MED12L: variants seen among roughly 807,000 people sequenced by gnomAD.
MED12L encodes mediator complex subunit 12L, also known as mediator of RNA polymerase II transcription subunit 12-like protein.
In MED12L, 60 loss-of-function variants were observed where a neutral mutation model predicts 281.3. That is an observed-to-expected ratio of 0.21 (90% CI 0.17 to 0.26). MED12L has a LOEUF of 0.26. Among genes scored for constraint, MED12L ranks in the 10% least tolerant of loss-of-function variants. The pLI is 1.00. For missense variants in MED12L, 2,146 were observed against 2,680.9 expected (o/e 0.80, Z 4.41); for synonymous variants, 974 against 987.2 (o/e 0.99, Z 0.25).
At chr3:151,096,473 G>C (rs1419171884) in intron 2 of MED12L, among the ~76,000 whole-genome samples, 2 of 145,798 alleles carry the variant, frequency 1.4e-5, no homozygotes, top group Non-Finnish European at 3.0e-5. Context: ...AAGAGACAAA[G>C]AGCAGTGGCA....
At chr3:151,196,361 CTG>C (rs1724658485) in intron 16 of MED12L, among the ~76,000 whole-genome samples, 1 of 152,098 alleles carries the variant, frequency 6.6e-6, no homozygotes, top group African/African-American at 2.4e-5. Context: ...ATGCTACTGT[CTG>C]TTTTTTTTCC....
chr3:151,174,393 T>C (rs1235310596), intron 11 of MED12L, among the ~76,000 whole-genome samples: 1 of 152,234 alleles, frequency 6.6e-6, no homozygotes, highest in African/African-American at 2.4e-5. Flanking sequence ...ATTAGAAGAA[T>C]CATTTTTTGT....
chr3:151,279,405 A>G (rs1742439834), intron 16 of MED12L, among the ~76,000 whole-genome samples: 1 of 152,262 alleles, frequency 6.6e-6, no homozygotes, highest in South Asian at 2.1e-4. Flanking sequence ...TTGGAGATGG[A>G]GTAGTGACTG....
intron 16 of MED12L, chr3:151,214,176 G>C: frequency 3.1e-6 from 5 of 1,614,160 alleles, no homozygotes; most frequent in African/African-American, 1.3e-5. Flanking sequence ...GCACGTAAAA[G>C]AATATCCATC....
intron 5 of MED12L, among the ~76,000 whole-genome samples, chr3:151,154,247 A>G (rs1718958379): frequency 6.6e-6 from 1 of 152,198 alleles, no homozygotes; most frequent in Admixed American, 6.5e-5. Context: ...AGTCAGTTAA[A>G]TACACTTAAA....
rs543007586 is a variant in MED12L at position 151,337,733 on chromosome 3, T to G, written c.2251-12326T>G. 37 of 1,366,984 alleles carry G rather than the reference T, an allele frequency of 2.7e-5. No individual in the cohort carries two copies. The African/African-American group carries it at 3.6e-4, about 13-fold the overall frequency. The allele number at this position is 1,366,984 out of a possible 1,614,324, so 84.7% of individuals were successfully genotyped here. ...CATTATTATTAACTTAGTTGCTTCT[T>G]CGTCAGTTAATATTTTTACTTAGCG... is the stretch of plus-strand genomic sequence containing the variant. On this transcript the variant is annotated intron_variant, in intron 16 of 44. Coordinates refer to ENST00000687756, the MANE Select transcript of MED12L (RefSeq NM_001393769.1).
At chr3:151,152,237 C>T (rs1405764606) in intron 5 of MED12L, among the ~76,000 whole-genome samples, 1 of 151,522 alleles carries the variant, frequency 6.6e-6, no homozygotes, top group Non-Finnish European at 1.5e-5. Flanking sequence ...GCAGCTGGGA[C>T]TATAGGTGTG....
At chr3:151,426,406 C>T (rs1577626574) in intron 43 of MED12L, among the ~76,000 whole-genome samples, 1 of 152,080 alleles carries the variant, frequency 6.6e-6, no homozygotes, top group South Asian at 2.1e-4. Context: ...TGGAGGCAGC[C>T]CTCATCCCCT....
At chr3:151,131,519 A>T (rs906634417) in intron 5 of MED12L, among the ~76,000 whole-genome samples, 3 of 152,166 alleles carry the variant, frequency 2.0e-5, no homozygotes, top group African/African-American at 7.2e-5. Context: ...AGGTGAGGGG[A>T]TAGCTTGAGT....
At position 151,085,712 on chromosome 3, in the gene MED12L, G is replaced by C. The variant is rs891440870; in HGVS notation, c.-354G>C. 6.6e-6 allele frequency: 1 copy of C among 152,018 alleles called. No individual in the cohort carries two copies. The highest frequency in any genetic ancestry group is 2.4e-5 in the African/African-American group (1 of 41,440). The allele number at this position is 152,018 out of a possible 1,614,324, so 9.4% of individuals were successfully genotyped here. On this transcript the variant is annotated 5_prime_UTR_variant, in exon 1 of 45. Coordinates refer to ENST00000687756, the MANE Select transcript of MED12L (RefSeq NM_001393769.1). Reference sequence around the variant, plus strand: ...GCCGTCCGCCAACTCGGAAGCTCGCGCTCCCGGGCCGTGGGGGCGAGAACG... The same window carrying C: ...GCCGTCCGCCAACTCGGAAGCTCGCCCTCCCGGGCCGTGGGGGCGAGAACG...
In MED12L at chr3:151,222,142, T is replaced by C. The variant is rs185128544; in HGVS notation, c.2250+28476T>C. On this transcript the variant is annotated intron_variant, in intron 16 of 44. Transcript: ENST00000687756. Reference sequence around the variant, plus strand: ...CCTTTGTTTCAGCCAGTTCCTCCCATTTGGAATGACTGCATTTACCCAATG... The same window carrying C: ...CCTTTGTTTCAGCCAGTTCCTCCCACTTGGAATGACTGCATTTACCCAATG... 2.5e-3 allele frequency among the ~76,000 whole-genome samples: 377 copies of C among 152,308 alleles called. 5 individuals carry two copies. The highest frequency in any genetic ancestry group is 8.2e-3 in the African/African-American group (342 of 41,568).
chr3:151,212,236 T>G (rs1727290038), intron 16 of MED12L: 1 of 152,226 alleles, frequency 6.6e-6, no homozygotes. Context: ...TTCTAGCCAG[T>G]TAATAGCAGA....
chr3:151,288,936 ATCTGGTAT>A (rs1743904755), intron 16 of MED12L, among the ~76,000 whole-genome samples: 1 of 152,230 alleles, frequency 6.6e-6, no homozygotes, highest in Non-Finnish European at 1.5e-5. Flanking sequence ...GTCACTGCAC[ATCTGGTAT>A]TCAGTTCATG....
chr3:151,110,625 A>G (rs565783858), intron 2 of MED12L, among the ~76,000 whole-genome samples: 4 of 152,338 alleles, frequency 2.6e-5, no homozygotes, highest in Non-Finnish European at 4.4e-5. Flanking sequence ...TCCCTGACCT[A>G]AAGTTTTGTA....
intron 23 of MED12L, 33 bp downstream of exon 23, chr3:151,366,024 G>A: frequency 1.3e-6 from 2 of 1,490,812 alleles, no homozygotes. Context: ...AAATTGAACT[G>A]TGCAATTAAA....
chr3:151,193,082 T>TA (rs59344289), intron 15 of MED12L, among the ~76,000 whole-genome samples: 3 of 151,790 alleles, frequency 2.0e-5, no homozygotes, highest in African/African-American at 7.3e-5. Flanking sequence ...TATATAACTT[T>TA]AAAAAAAAAT....
intron 16 of MED12L, among the ~76,000 whole-genome samples, chr3:151,237,350 CT>C (rs57239604): frequency 6.6e-4 from 62 of 94,630 alleles, no homozygotes; most frequent in African/African-American, 2.2e-3. Flanking sequence ...TTTTTTTTTT[CT>C]TTTTTTTTTT....
intron 5 of MED12L, among the ~76,000 whole-genome samples, chr3:151,130,874 T>A (rs1430094716): frequency 1.3e-5 from 2 of 152,246 alleles, no homozygotes; most frequent in Non-Finnish European, 2.9e-5. Context: ...ATCATCTGTC[T>A]ACATCCACTC....
At chr3:151,382,285 T>C (rs1057346258) in intron 32 of MED12L, among the ~76,000 whole-genome samples, 2 of 152,200 alleles carry the variant, frequency 1.3e-5, no homozygotes, top group African/African-American at 4.8e-5. Flanking sequence ...CCTAGAAATA[T>C]AACAGGACTG....
Sources: allele counts gnomAD v4.1 joint callset (sites outside exome capture counted in the v4.1 genomes callset), GRCh38; gene constraint gnomAD v4.1.1; transcripts MANE v1.5; gene names NCBI Gene and HGNC (gene_info 2026-07-23, HGNC 2026-07-21).